The following ANKRD11 variants were observed in gnomAD, a reference collection of about 807,000 sequenced individuals.
ANKRD11 encodes ankyrin repeat domain 11, also known as ankyrin repeat domain-containing protein 11.
Under a neutral mutation model 195.7 loss-of-function variants are expected in ANKRD11, and 17 were observed. That is an observed-to-expected ratio of 0.09 (90% CI 0.06 to 0.13). The LOEUF is 0.13. Ranked by LOEUF, ANKRD11 falls within the 10% of genes least tolerant of loss-of-function variation. The pLI is 1.00. For missense variants in ANKRD11, 3,735 were observed against 3,566.1 expected (o/e 1.05, Z -1.21); for synonymous variants, 1,953 against 1,528.1 (o/e 1.28, Z -6.49).
intron 2 of ANKRD11, among the ~76,000 whole-genome samples, chr16:89,364,476 A>C (rs1370000143): frequency 6.6e-6 from 1 of 152,250 alleles, no homozygotes; most frequent in East Asian, 1.9e-4. Context: ...ACACAGATTT[A>C]ACTCCAGAGC....
At chr16:89,392,689 C>G (rs1297918105) in intron 2 of ANKRD11, 1 of 149,534 alleles carries the variant, frequency 6.7e-6, no homozygotes, top group Non-Finnish European at 1.5e-5. Flanking sequence ...CCTACAAGAG[C>G]AGACCCAATC....
Position 89,316,919 on chromosome 16 carries a change from G to C in ANKRD11, c.87+14C>G. 6.2e-7 allele frequency: 1 copy of C among 1,611,972 alleles called. No homozygotes were observed. The highest frequency in any genetic ancestry group is 1.7e-5 in the Admixed American group (1 of 59,750). Reference sequence around the variant, plus strand: ...GTGCGGTGAGCATGCAGGGCTGGGAGGGGGCAGCATTACCTTTTTCCCAGT... The same window carrying C: ...GTGCGGTGAGCATGCAGGGCTGGGACGGGGCAGCATTACCTTTTTCCCAGT... On this transcript the variant is annotated intron_variant, in intron 3 of 12. Transcript: ENST00000301030.
At chr16:89,290,920 C>A (rs1384192842) in intron 5 of ANKRD11, 92 bp from the exon 6 acceptor site, 3 of 1,609,708 alleles carry the variant, frequency 1.9e-6, no homozygotes, top group African/African-American at 1.3e-5. Flanking sequence ...CACGAGGTCC[C>A]TTTGCACAGG....
At chr16:89,424,696 G>A (rs915462122) in intron 1 of ANKRD11, among the ~76,000 whole-genome samples, 3 of 152,148 alleles carry the variant, frequency 2.0e-5, no homozygotes, top group African/African-American at 7.2e-5. Flanking sequence ...TTCAAATGGA[G>A]GACAAATCAG....
At chr16:89,457,060 C>T (rs1246648326) in intron 1 of ANKRD11, among the ~76,000 whole-genome samples, 3 of 148,690 alleles carry the variant, frequency 2.0e-5, no homozygotes, top group African/African-American at 4.9e-5. Context: ...CCCGGGTTCA[C>T]GCCATTCTCC....
intron 2 of ANKRD11, among the ~76,000 whole-genome samples, chr16:89,393,427 AAT>A (rs2041287068): frequency 1.3e-5 from 2 of 150,496 alleles, no homozygotes; most frequent in Non-Finnish European, 3.0e-5. Flanking sequence ...GAGTTCAAGC[AAT>A]TCTCCCACCT....
chr16:89,284,454 T>C lies in ANKRD11; in HGVS notation c.2088A>G (p.Lys696=), dbSNP rs2034503381. ...ATTTCATTTTGCTAAGTTTCTCTTCTTTTTTAAAGTGGTCGCGATCGTGCT... is the reference window on the plus strand; with the variant it reads ...ATTTCATTTTGCTAAGTTTCTCTTCCTTTTTAAAGTGGTCGCGATCGTGCT... ...VLKHDRDHFK[K]EEKLSKMKLE... is the part of the protein sequence containing the mutation. Residue 696 remains lysine (K), a synonymous_variant, in exon 9 of 13, where the codon AAA becomes AAG. Transcript: ENST00000301030. The C allele has an allele frequency of 6.2e-7, 1 of 1,613,724 alleles. No individual in the cohort carries two copies. Among genetic ancestry groups the C allele is most frequent in the Admixed American group, 1.7e-5 (1 of 59,952 alleles).
At chr16:89,363,302 G>A (rs907083384) in intron 2 of ANKRD11, among the ~76,000 whole-genome samples, 7 of 152,102 alleles carry the variant, frequency 4.6e-5, no homozygotes, top group Admixed American at 6.6e-5. Flanking sequence ...CGGTGCATGC[G>A]AATTTGTTAT....
At chr16:89,303,571 C>A (rs548884689) in intron 4 of ANKRD11, among the ~76,000 whole-genome samples, 16 of 152,308 alleles carry the variant, frequency 1.1e-4, no homozygotes, top group Middle Eastern at 3.4e-3. Context: ...GCCTTCCTGT[C>A]CCCAGATGTG....
chr16:89,403,631 T>C (rs1389593509), intron 2 of ANKRD11: 1 of 151,944 alleles, frequency 6.6e-6, no homozygotes, highest in Non-Finnish European at 1.5e-5. Context: ...CGGGAAGGGA[T>C]TTCAAAACAC....
intron 4 of ANKRD11, 180 bp downstream of exon 4, chr16:89,305,026 A>C (rs986472527): frequency 2.1e-6 from 2 of 934,946 alleles, no homozygotes; most frequent in African/African-American, 3.3e-5. Flanking sequence ...CCTCGGGTGC[A>C]AAGGAGGTGG....
At chr16:89,414,381 C>CCACACTCACTGGGAACCGCGTGCGGG (rs1448394511) in intron 2 of ANKRD11, among the ~76,000 whole-genome samples, 8 of 152,206 alleles carry the variant, frequency 5.3e-5, no homozygotes, top group African/African-American at 1.9e-4. Flanking sequence ...TCACTCACGG[C>CCACACTCACTGGGAACCGCGTGCGGG]CACACTCACT....
In ANKRD11 at chr16:89,367,195, G is replaced by A. The variant is rs889572; in HGVS notation, c.-59-50117C>T. The stretch of plus-strand genomic sequence containing the variant: ...GGGGACAGTCCATACATCCCCCTTC[G>A]TGTTTCCCATCGAAACACAACAGTC... On this transcript the variant is annotated intron_variant, in intron 2 of 12. Transcript: ENST00000301030. 4.4e-3 allele frequency among the ~76,000 whole-genome samples: 671 copies of A among 152,288 alleles called. 4 individuals carry two copies. Among genetic ancestry groups the A allele is most frequent in the African/African-American group, 0.015 (635 of 41,562 alleles).
At chr16:89,312,979 G>A (rs1004135773) in intron 3 of ANKRD11, among the ~76,000 whole-genome samples, 5 of 152,324 alleles carry the variant, frequency 3.3e-5, no homozygotes, top group African/African-American at 1.2e-4. Flanking sequence ...GACTGGGGGG[G>A]TTTCTGCTGA....
intron 1 of ANKRD11, among the ~76,000 whole-genome samples, chr16:89,466,623 CA>C (rs1215546053): frequency 6.6e-6 from 1 of 151,712 alleles, no homozygotes; most frequent in Non-Finnish European, 1.5e-5. Flanking sequence ...GATTAGTGCT[CA>C]AAAAAACACA....
intron 2 of ANKRD11, among the ~76,000 whole-genome samples, chr16:89,337,007 CAAAAAAAAAAA>C (rs60248736): frequency 0.015 from 709 of 47,770 alleles, 15 homozygotes; most frequent in African/African-American, 0.051. Flanking sequence ...CTGGCTCTAC[CAAAAAAAAAAA>C]AAAAAAAAAA....
intron 2 of ANKRD11, chr16:89,324,418 C>A: frequency 2.0e-6 from 1 of 488,490 alleles, no homozygotes; most frequent in Non-Finnish European, 3.9e-6. Context: ...CAAGAAAATG[C>A]AAACTAAAAC....
intron 1 of ANKRD11, chr16:89,431,335 A>C (rs919543600): frequency 3.3e-5 from 5 of 153,008 alleles, no homozygotes; most frequent in East Asian, 1.9e-4. Flanking sequence ...GGCTGGAGAG[A>C]GAGCGAGCTG....
intron 4 of ANKRD11, chr16:89,301,463 G>T: frequency 2.5e-6 from 1 of 397,978 alleles, no homozygotes; most frequent in Non-Finnish European, 4.4e-6. Flanking sequence ...GGCAGACAGG[G>T]CAGGCAGAGC....
Sources: allele counts gnomAD v4.1 joint callset (sites outside exome capture counted in the v4.1 genomes callset), GRCh38; gene constraint gnomAD v4.1.1; transcripts MANE v1.5; gene names NCBI Gene and HGNC (gene_info 2026-07-23, HGNC 2026-07-21).